The following ZNF831 variants were observed in gnomAD, a reference collection of about 807,000 sequenced individuals.
ZNF831 encodes chromosome 20 open reading frame 174.
ZNF831 carries 59 observed loss-of-function variants against 95.8 expected under a neutral mutation model. The ratio of observed to expected loss-of-function variants is 0.62; its 90% CI spans 0.50 to 0.77. The LOEUF (loss-of-function observed/expected upper bound fraction) is 0.77, where lower values mean the gene tolerates loss of function less well. ZNF831 is among the 30% of genes least tolerant of loss of function. The pLI is 0.00. For missense variants in ZNF831, 2,205 were observed against 2,164.0 expected, an observed-to-expected ratio of 1.02 and a Z score of -0.38; for synonymous variants, 961 against 925.5, an observed-to-expected ratio of 1.04 and a Z score of -0.70.
chr20:59,153,426 C>T (rs529395080), intron 2 of ZNF831, among the ~76,000 whole-genome samples: 3 of 152,242 alleles, frequency 2.0e-5, no homozygotes, highest in Non-Finnish European at 4.4e-5. Flanking sequence ...ACAGCCTCCC[C>T]CTGGGAGCGG....
At position 59,256,420 on chromosome 20, in the gene ZNF831, C is replaced by T. The variant is rs192809765; in HGVS notation, c.*1677C>T. ...GTGTACTTTTTAAACCCAACAAAAG[C>T]GATGTGGTGATTATCTCCCTTTTCG... On this transcript the variant is annotated 3_prime_UTR_variant, in exon 6 of 6. Coordinates refer to ENST00000371030, the MANE Select transcript of ZNF831 (RefSeq NM_178457.3). The T allele has an allele frequency of 9.9e-5, 15 of 152,278 alleles. No individual in the cohort carries two copies. In the East Asian group the frequency reaches 1.2e-3, roughly 12 times the overall value. 9.4% of individuals were successfully genotyped at this position (152,278 alleles called of 1,614,324 possible).
chr20:59,168,780 C>T lies in ZNF831; in HGVS notation c.-37+4573C>T, dbSNP rs542809263. On this transcript the variant is annotated intron_variant, in intron 1 of 5. Transcript: ENST00000371030. ...ATTTCCGTCTATTTCTATTTTCCAA[C>T]GAGATTTTATTATGAATGGGTGTTG... is the stretch of plus-strand genomic sequence containing the variant. Among the ~76,000 whole-genome samples, 28 of 152,172 alleles carry T rather than the reference C, an allele frequency of 1.8e-4. No individual in the cohort carries two copies. In the South Asian group the frequency reaches 3.9e-3, roughly 21 times the overall value.
intron 4 of ZNF831, among the ~76,000 whole-genome samples, chr20:59,239,480 C>G (rs1290279800): frequency 6.6e-6 from 1 of 152,010 alleles, no homozygotes; most frequent in Non-Finnish European, 1.5e-5. Context: ...AAGTTTCCCC[C>G]CTTCTTTCAT....
rs746915381 is a variant in ZNF831, at chr20:59,256,104, A to G, written c.*1361A>G. ...GTAACTTTGATGTAATGATGTTCATATGACATCTTGTACTTCAGAGACACA... is the reference window on the plus strand; with the variant it reads ...GTAACTTTGATGTAATGATGTTCATGTGACATCTTGTACTTCAGAGACACA... On this transcript the variant is annotated 3_prime_UTR_variant, in exon 6 of 6. Coordinates refer to ENST00000371030, the MANE Select transcript of ZNF831 (RefSeq NM_178457.3). 1.3e-5 allele frequency: 2 copies of G among 152,234 alleles called. No homozygotes were observed. Among genetic ancestry groups the G allele is most frequent in the African/African-American group, 4.8e-5 (2 of 41,472 alleles). The allele number at this position is 152,234 out of a possible 1,614,324, so 9.4% of individuals were successfully genotyped here. A position where few individuals can be genotyped will look rare whatever the true frequency, so the allele number is the denominator to read the frequency against.
In ZNF831 at chr20:59,151,442, G is replaced by A. The variant is rs116846064; in HGVS notation, c.-1281+5068G>A. On this transcript the variant is annotated intron_variant, in intron 2 of 7. Transcript: ENST00000637017. ...TTGACCAGGTGTTTATGATACACCC[G>A]ACCCTGTGCTAGCATCTTGTGCTTA... is the stretch of plus-strand genomic sequence containing the variant. 4.4e-3 allele frequency among the ~76,000 whole-genome samples: 676 copies of A among 152,264 alleles called. 4 individuals are homozygous for A. The highest frequency in any genetic ancestry group is 6.1e-3 in the Admixed American group (93 of 15,296).
chr20:59,133,726 AT>A (rs1208434599), intron 1 of ZNF831, among the ~76,000 whole-genome samples: 1 of 152,186 alleles, frequency 6.6e-6, no homozygotes, highest in Admixed American at 6.5e-5. Flanking sequence ...ATCTCCCTGC[AT>A]TCTGTCATTT....
At position 59,194,429 on chromosome 20, in the gene ZNF831, T is replaced by G; in HGVS notation, c.3410T>G (p.Leu1137Arg). 1.2e-6 allele frequency: 2 copies of G among 1,612,368 alleles called. No homozygotes were observed. Among genetic ancestry groups the G allele is most frequent in the Non-Finnish European group, 1.7e-6 (2 of 1,179,420 alleles). Residue 1137 changes from leucine to arginine, a missense_variant, in exon 2 of 6, where the codon CTC becomes CGC. Leu to Arg is a moderately radical substitution (Grantham distance 102, BLOSUM62 -2). Transcript: ENST00000371030. ...CAGCCTGGCTCCTTCCTCACTGCCC[T>G]CACTCGGCCTCAGGGTGTGCCCCCA... Reference protein sequence around the residue: ...PLQPGSFLTALTRPQGVPPGW... With the variant: ...PLQPGSFLTARTRPQGVPPGW...
chr20:59,226,653 A>G lies in ZNF831; in HGVS notation c.4027+19597A>G, dbSNP rs561368978. Among the ~76,000 whole-genome samples the G allele has an allele frequency of 2.5e-4, 38 of 150,816 alleles. 1 individual carries two copies. In the South Asian group the frequency reaches 7.9e-3, roughly 31 times the overall value. ...GGCAAATTTCTACTGTAGTTTATTAATCTAGTTGCCTCTGTCCCTTTAAAT... is the reference window on the plus strand; with the variant it reads ...GGCAAATTTCTACTGTAGTTTATTAGTCTAGTTGCCTCTGTCCCTTTAAAT... On this transcript the variant is annotated intron_variant, in intron 4 of 5. Coordinates refer to ENST00000371030, the MANE Select transcript of ZNF831 (RefSeq NM_178457.3).
intron 4 of ZNF831, among the ~76,000 whole-genome samples, chr20:59,242,975 T>C (rs1987412283): frequency 6.6e-6 from 1 of 152,298 alleles, no homozygotes. Flanking sequence ...ATACCAATCA[T>C]TGTGTAATTC....
At chr20:59,204,535 T>C (rs1984747458) in intron 3 of ZNF831, among the ~76,000 whole-genome samples, 1 of 152,180 alleles carries the variant, frequency 6.6e-6, no homozygotes, top group Non-Finnish European at 1.5e-5. Flanking sequence ...CTTTGCTTTG[T>C]TCTTCTCTGT....
Position 59,193,198 on chromosome 20 carries a change from G to A in ZNF831, c.2179G>A (p.Glu727Lys), listed in dbSNP as rs1407206505. 1.9e-6 allele frequency: 3 copies of A among 1,582,230 alleles called. No individual in the cohort carries two copies. The highest frequency in any genetic ancestry group is 2.3e-5 in the East Asian group (1 of 42,830). ...RGDSDRPRVE[E>K]AVSSPALGGR... is the part of the protein sequence containing the mutation. ...AGACAGTGACCGACCCAGGGTGGAA[G>A]AGGCTGTGTCATCCCCTGCACTGGG... The change falls in exon 2 of 6, where the codon GAG becomes AAG. Residue 727 changes from glutamate to lysine, a missense_variant. By Grantham distance (56) the Glu-to-Lys change is moderately conservative. Transcript: ENST00000371030.
At chr20:59,198,871 T>C (rs903848186) in intron 3 of ZNF831, among the ~76,000 whole-genome samples, 4 of 152,134 alleles carry the variant, frequency 2.6e-5, no homozygotes, top group African/African-American at 9.7e-5. Flanking sequence ...TGCACACTCC[T>C]CCTCTTGCTC....
intron 1 of ZNF831, among the ~76,000 whole-genome samples, chr20:59,136,328 T>C (rs1979507785): frequency 6.6e-6 from 1 of 152,126 alleles, no homozygotes; most frequent in Admixed American, 6.6e-5. Flanking sequence ...TAATTGAGAG[T>C]ATTTTTCCTA....
At chr20:59,211,184 C>T (rs557241063) in intron 4 of ZNF831, among the ~76,000 whole-genome samples, 12 of 152,330 alleles carry the variant, frequency 7.9e-5, no homozygotes, top group Admixed American at 1.3e-4. Flanking sequence ...CATCCCCTTA[C>T]ATAGGTAATA....
At chr20:59,229,431 G>C (rs973948548) in intron 4 of ZNF831, among the ~76,000 whole-genome samples, 3 of 152,150 alleles carry the variant, frequency 2.0e-5, no homozygotes, top group Non-Finnish European at 2.9e-5. Flanking sequence ...CTGAGGCATG[G>C]GAAAATCAGC....
rs1983733584 is a variant in ZNF831 at position 59,192,929 on chromosome 20, C to T, written c.1910C>T (p.Ala637Val). ...AAAAGGATCTACCAGAAAATGAAAG[C>T]CAGTCCCCATGGAGGCAAGAAAGCC... The part of the protein sequence containing the change: ...TFKRIYQKMK[A>V]SPHGGKKARE... Residue 637 changes from alanine (A) to valine (V), a missense_variant, in exon 2 of 6, where the codon GCC (alanine) becomes GTC (valine). Coordinates refer to ENST00000371030, the MANE Select transcript of ZNF831 (RefSeq NM_178457.3). This position sits in a 1 kb window ranked among gnomAD's most constrained non-coding sequence, Gnocchi z 5.2. The T allele has an allele frequency of 6.2e-7, 1 of 1,600,558 alleles. No individual in the cohort carries two copies. The highest frequency in any genetic ancestry group is 1.1e-5 in the South Asian group (1 of 88,124).
chr20:59,171,339 A>T (rs144818514), intron 1 of ZNF831, among the ~76,000 whole-genome samples: 105 of 152,372 alleles, frequency 6.9e-4, no homozygotes, highest in African/African-American at 2.5e-3. Context: ...ATCATACAGC[A>T]TGTATTGAAT....
At chr20:59,212,945 T>A (rs911309743) in intron 4 of ZNF831, among the ~76,000 whole-genome samples, 1 of 152,188 alleles carries the variant, frequency 6.6e-6, no homozygotes, top group African/African-American at 2.4e-5. Flanking sequence ...GTGAAACTGA[T>A]AGAAAAGACC....
At chr20:59,237,539 G>T (rs1987069050) in intron 4 of ZNF831, among the ~76,000 whole-genome samples, 2 of 152,120 alleles carry the variant, frequency 1.3e-5, no homozygotes, top group African/African-American at 4.8e-5. Flanking sequence ...TAGAGACGCG[G>T]TTTCACCATG....
Sources: gnomAD v4.1 joint callset for allele counts (sites outside exome capture counted in the v4.1 genomes callset) on GRCh38, gnomAD v4.1.1 for gene constraint, Gnocchi (gnomAD v3.1) non-coding constraint, MANE v1.5 for transcripts, NCBI Gene and HGNC (gene_info 2026-07-23, HGNC 2026-07-21) for gene names.